The following BBS9 variants were observed in gnomAD, a reference collection of about 807,000 sequenced individuals.
BBS9 encodes Bardet-Biedl syndrome 9.
Under a neutral mutation model 117.7 loss-of-function variants are expected in BBS9, and 89 were observed. The observed-to-expected ratio is 0.76, with a 90% CI of 0.64 to 0.90. The LOEUF (loss-of-function observed/expected upper bound fraction) is 0.90, where lower values mean the gene tolerates loss of function less well. Among genes scored for constraint, BBS9 ranks in the 40% least tolerant of loss-of-function variants. The pLI, the probability that BBS9 is intolerant of heterozygous loss-of-function variation, is 0.00. For synonymous variants in BBS9, 379 were observed against 370.9 expected (o/e 1.02, Z -0.25); for missense variants, 982 against 1,042.2 (o/e 0.94, Z 0.80).
intron 19 of BBS9, among the ~76,000 whole-genome samples, chr7:33,500,981 A>C (rs983830903): frequency 6.6e-6 from 1 of 152,212 alleles, no homozygotes; most frequent in Non-Finnish European, 1.5e-5. Flanking sequence ...AAAACAAAAC[A>C]AAGGCCATCA....
At chr7:33,161,801 A>G (rs949578734) in intron 4 of BBS9, among the ~76,000 whole-genome samples, 2 of 152,094 alleles carry the variant, frequency 1.3e-5, no homozygotes, top group African/African-American at 4.8e-5. Flanking sequence ...TGACTTTTTA[A>G]TGATTGCCAT....
At chr7:33,487,722 G>A (rs1843310328) in intron 19 of BBS9, among the ~76,000 whole-genome samples, 1 of 152,148 alleles carries the variant, frequency 6.6e-6, no homozygotes, top group South Asian at 2.1e-4. Context: ...TAATTCTGAT[G>A]AGAATGGTCA....
At chr7:33,500,042 T>A (rs1448647817) in intron 19 of BBS9, among the ~76,000 whole-genome samples, 4 of 150,748 alleles carry the variant, frequency 2.7e-5, no homozygotes, top group Admixed American at 2.6e-4. Flanking sequence ...ATAATAAAAT[T>A]CTCTTTGTTA....
At chr7:33,611,586 T>C (rs1380513105) in intron 21 of BBS9, among the ~76,000 whole-genome samples, 1 of 118,974 alleles carries the variant, frequency 8.4e-6, no homozygotes, top group African/African-American at 4.2e-5. Context: ...AGGTATATAT[T>C]ATATAATAAT....
At chr7:33,406,129 A>C (rs1179580960) in intron 19 of BBS9, among the ~76,000 whole-genome samples, 10 of 152,158 alleles carry the variant, frequency 6.6e-5, no homozygotes, top group Middle Eastern at 3.4e-3. Context: ...CAGGTTGTTC[A>C]GTTTCCATGT....
chr7:33,388,253 A>G, intron 19 of BBS9, 109 bp downstream of exon 19: 1 of 1,359,524 alleles, frequency 7.4e-7, no homozygotes, highest in South Asian at 1.2e-5. Context: ...CCAGTGCTTT[A>G]AGGAACAGTG....
At chr7:33,262,879 C>T (rs1226476109) in intron 6 of BBS9, among the ~76,000 whole-genome samples, 1 of 152,174 alleles carries the variant, frequency 6.6e-6, no homozygotes, top group African/African-American at 2.4e-5. Flanking sequence ...TATCTTTTCT[C>T]CCCCAATTAC....
At position 33,462,237 on chromosome 7, in the gene BBS9, A is replaced by G. The variant is rs1469764973; in HGVS notation, c.2116-43226A>G. Among the ~76,000 whole-genome samples the G allele has an allele frequency of 1.3e-4, 20 of 152,124 alleles. 1 individual carries two copies. Among genetic ancestry groups the G allele is most frequent in the Non-Finnish European group, 2.9e-5 (2 of 67,982 alleles). The stretch of plus-strand genomic sequence containing the variant: ...GTGTTAAACATATAAAATATTCCAA[A>G]TTTGGATCATTAGCCATGACTGTCT... On this transcript the variant is annotated intron_variant, in intron 19 of 22. Transcript: ENST00000242067.
chr7:33,525,232 G>T (rs1225344797), intron 20 of BBS9, among the ~76,000 whole-genome samples: 1 of 149,918 alleles, frequency 6.7e-6, no homozygotes, highest in African/African-American at 2.5e-5. Flanking sequence ...CTGTTGATTT[G>T]GGGTGGAGAG....
chr7:33,464,457 C>T (rs1159921966), intron 19 of BBS9, among the ~76,000 whole-genome samples: 1 of 151,966 alleles, frequency 6.6e-6, no homozygotes, highest in Non-Finnish European at 1.5e-5. Flanking sequence ...AACTTCTTTA[C>T]AATTATGTAA....
At chr7:33,360,403 A>C (rs916061378) in intron 16 of BBS9, among the ~76,000 whole-genome samples, 1 of 152,088 alleles carries the variant, frequency 6.6e-6, no homozygotes, top group African/African-American at 2.4e-5. Context: ...CCAATAGAGA[A>C]TCTTATAAGA....
At chr7:33,186,999 CTACT>C (rs1321324985) in intron 5 of BBS9, among the ~76,000 whole-genome samples, 1 of 152,102 alleles carries the variant, frequency 6.6e-6, no homozygotes, top group African/African-American at 2.4e-5. Context: ...AATTTGAACT[CTACT>C]TGTTTTTGAA....
At chr7:33,159,374 G>C (rs758899624) in intron 4 of BBS9, among the ~76,000 whole-genome samples, 13 of 152,064 alleles carry the variant, frequency 8.5e-5, no homozygotes, top group Non-Finnish European at 1.9e-4. Context: ...TAGAGTAGAG[G>C]GTACTTCCTT....
chr7:33,165,905 G>A (rs747577406), intron 4 of BBS9, among the ~76,000 whole-genome samples: 2 of 152,200 alleles, frequency 1.3e-5, no homozygotes, highest in South Asian at 2.1e-4. Flanking sequence ...TCCTTTGGAG[G>A]AGAAGAGGTG....
At chr7:33,357,729 T>C in intron 15 of BBS9, 126 bp from the exon 16 acceptor site, 1 of 964,508 alleles carries the variant, frequency 1.0e-6, no homozygotes. Context: ...TTCAGCTTTG[T>C]TAAGCAAAAT....
intron 9 of BBS9, among the ~76,000 whole-genome samples, chr7:33,315,427 C>A (rs1450286848): frequency 6.6e-6 from 1 of 152,142 alleles, no homozygotes; most frequent in African/African-American, 2.4e-5. Flanking sequence ...TCGGAATGAT[C>A]TCATCATTCT....
intron 19 of BBS9, among the ~76,000 whole-genome samples, chr7:33,456,314 A>G (rs552863824): frequency 6.6e-6 from 1 of 152,320 alleles, no homozygotes; most frequent in South Asian, 2.1e-4. Context: ...TCCATAATGA[A>G]GGAAAAAATG....
At chr7:33,497,641 T>C (rs1280501345) in intron 19 of BBS9, among the ~76,000 whole-genome samples, 1 of 152,180 alleles carries the variant, frequency 6.6e-6, no homozygotes, top group Non-Finnish European at 1.5e-5. Context: ...GAACAAGTCA[T>C]ACCAGGCAAA....
At chr7:33,570,119 A>G (rs982784668) in intron 21 of BBS9, among the ~76,000 whole-genome samples, 1 of 152,242 alleles carries the variant, frequency 6.6e-6, no homozygotes, top group African/African-American at 2.4e-5. Context: ...TTTGCATTAA[A>G]TATAAATAGT....
Sources: allele counts gnomAD v4.1 joint callset (sites outside exome capture counted in the v4.1 genomes callset), GRCh38; gene constraint gnomAD v4.1.1; transcripts MANE v1.5; gene names NCBI Gene and HGNC (gene_info 2026-07-23, HGNC 2026-07-21).